Variants in ASXL1 observed in about 807,000 individuals in gnomAD.
ASXL1 encodes polycomb group protein ASXL1.
ASXL1 carries 65 observed loss-of-function variants against 89.1 expected under a neutral mutation model. That is an observed-to-expected ratio of 0.73 (90% confidence interval 0.60 to 0.90). ASXL1 has a LOEUF of 0.90. Ranked by LOEUF, ASXL1 falls within the 40% of genes least tolerant of loss-of-function variation. The pLI is 0.00. For missense variants in ASXL1, 1,786 were observed against 1,942.9 expected (o/e 0.92, Z 1.52); for synonymous variants, 739 against 746.9 (o/e 0.99, Z 0.17).
chr20:32,362,199 A>G (rs1255827969), intron 1 of ASXL1, among the ~76,000 whole-genome samples: 2 of 152,254 alleles, frequency 1.3e-5, no homozygotes, highest in Non-Finnish European at 2.9e-5. Flanking sequence ...ACAGTTGATT[A>G]GAACACCTGA....
intron 4 of ASXL1, among the ~76,000 whole-genome samples, chr20:32,398,328 T>C (rs1412327249): frequency 6.6e-6 from 1 of 151,992 alleles, no homozygotes; most frequent in Admixed American, 6.6e-5. Context: ...TTCAAGCGAT[T>C]CTCAGCCTTA....
At chr20:32,411,215 CTTTTTTTTTTTTTT>C (rs71187118) in intron 4 of ASXL1, among the ~76,000 whole-genome samples, 1 of 53,394 alleles carries the variant, frequency 1.9e-5, no homozygotes, top group Admixed American at 3.3e-4. Context: ...TTTATGGATT[CTTTTTTTTTTTTTT>C]TTTTTTTTTT....
intron 4 of ASXL1, among the ~76,000 whole-genome samples, chr20:32,413,509 A>G (rs182266120): frequency 1.4e-5 from 2 of 142,370 alleles, no homozygotes; most frequent in East Asian, 4.1e-4. Flanking sequence ...CAGCTGTACA[A>G]TTCTTGATGT....
At chr20:32,402,104 G>A (rs978718456) in intron 4 of ASXL1, among the ~76,000 whole-genome samples, 8 of 152,140 alleles carry the variant, frequency 5.3e-5, no homozygotes, top group African/African-American at 1.9e-4. Flanking sequence ...TTTTTAACTC[G>A]GCAAAATGCC....
chr20:32,421,253 TCAAAA>T, intron 4 of ASXL1, among the ~76,000 whole-genome samples: 1 of 145,322 alleles, frequency 6.9e-6, no homozygotes, highest in Non-Finnish European at 1.5e-5. Flanking sequence ...AAAAAAAACT[TCAAAA>T]AAAAAAAAGT....
rs1353196273 is a variant in ASXL1 at position 32,430,036 on chromosome 20, T to C, written c.701T>C (p.Phe234Ser). Residue 234 changes from phenylalanine (F) to serine (S), a missense_variant, in exon 8 of 13, where the codon TTC (phenylalanine) becomes TCC (serine). Transcript: ENST00000375687. The stretch of plus-strand genomic sequence containing the variant: ...GACCCTGCCCCGCTCCTGAGAGGCT[T>C]CCGGAAGCCAGCCACAGGTGAGTGG... ...TQDPAPLLRG[F>S]RKPATGQMKR... 11 of 1,604,922 alleles carry C rather than the reference T, an allele frequency of 6.9e-6. No homozygotes were observed. Among genetic ancestry groups the C allele is most frequent in the Non-Finnish European group, 9.3e-6 (11 of 1,179,748 alleles).
chr20:32,382,532 G>A (rs2048504893), intron 4 of ASXL1, among the ~76,000 whole-genome samples: 1 of 151,630 alleles, frequency 6.6e-6, no homozygotes, highest in Non-Finnish European at 1.5e-5. Flanking sequence ...GCATTTTGGA[G>A]GCTGAGTCGT....
intron 4 of ASXL1, among the ~76,000 whole-genome samples, chr20:32,407,610 C>T (rs754843023): frequency 2.6e-5 from 4 of 152,000 alleles, no homozygotes; most frequent in Non-Finnish European, 2.9e-5. Flanking sequence ...ACTACAGACA[C>T]GTGCCACCAC....
At chr20:32,432,839 A>G in intron 10 of ASXL1, 41 bp from the exon 11 acceptor site, 1 of 1,608,896 alleles carries the variant, frequency 6.2e-7, no homozygotes, top group Non-Finnish European at 8.5e-7. Context: ...AGACATTAAT[A>G]TCCCGAATGC....
intron 4 of ASXL1, among the ~76,000 whole-genome samples, chr20:32,422,458 A>C (rs532260135): frequency 6.9e-6 from 1 of 144,218 alleles, no homozygotes; most frequent in East Asian, 2.0e-4. Context: ...ACCATCTAGT[A>C]TGCAGTTCAC....
At chr20:32,366,538 G>A (rs2048207598) in intron 2 of ASXL1, 72 bp downstream of exon 2, 1 of 1,610,466 alleles carries the variant, frequency 6.2e-7, no homozygotes, top group South Asian at 1.1e-5. Context: ...GTAGTGATAT[G>A]AGTAAGTACA....
At chr20:32,415,982 A>C (rs1167985438) in intron 4 of ASXL1, among the ~76,000 whole-genome samples, 1 of 152,236 alleles carries the variant, frequency 6.6e-6, no homozygotes, top group African/African-American at 2.4e-5. Flanking sequence ...GAGAGCAGCT[A>C]TGCCATGTTG....
At position 32,437,078 on chromosome 20, in the gene ASXL1, T is replaced by G. The variant is rs1297604770; in HGVS notation, c.4366T>G (p.Tyr1456Asp). The change falls in exon 13 of 13, where the codon TAT (tyrosine) becomes GAT (aspartate). Residue 1456 changes from tyrosine to aspartate, a missense_variant. Coordinates refer to ENST00000375687, the MANE Select transcript of ASXL1 (RefSeq NM_015338.6). ...CCAACTGAGTTCCACCAGCTTTAAT[T>G]ATTCCTCTAGCTCTCCCACCTTTCC... The part of the protein sequence containing the change: ...KLQLSSTSFN[Y>D]SSSSPTFPKG... The G allele has an allele frequency of 6.2e-7, 1 of 1,614,056 alleles. No individual in the cohort carries two copies. The highest frequency in any genetic ancestry group is 8.5e-7 in the Non-Finnish European group (1 of 1,180,052).
chr20:32,366,071 A>G (rs1056002327), intron 1 of ASXL1, among the ~76,000 whole-genome samples: 7 of 152,174 alleles, frequency 4.6e-5, no homozygotes, highest in African/African-American at 1.2e-4. Flanking sequence ...GCAGCACTAT[A>G]TATTCTGTGG....
intron 4 of ASXL1, among the ~76,000 whole-genome samples, chr20:32,416,445 C>T (rs1307061469): frequency 6.6e-6 from 1 of 152,218 alleles, no homozygotes; most frequent in Non-Finnish European, 1.5e-5. Flanking sequence ...TTCCCAGTAG[C>T]TACAACCACT....
Position 32,425,275 on chromosome 20 carries a change from T to G in ASXL1, c.253-2853T>G, listed in dbSNP as rs145387669. On this transcript the variant is annotated intron_variant, in intron 4 of 12. Transcript: ENST00000375687. ...TTCTGCCTTTGGCAGCCACTTTGAT[T>G]GTTTATAATCCAGATTTCAAATGCT... 1.5e-3 allele frequency among the ~76,000 whole-genome samples: 229 copies of G among 152,370 alleles called. 2 individuals carry two copies. The highest frequency in any genetic ancestry group is 5.1e-3 in the African/African-American group (211 of 41,590).
chr20:32,389,314 G>T (rs143906362), intron 4 of ASXL1, among the ~76,000 whole-genome samples: 8 of 152,156 alleles, frequency 5.3e-5, no homozygotes, highest in Non-Finnish European at 1.2e-4. Flanking sequence ...TTTCTGCTGT[G>T]TATCATCTTA....
chr20:32,384,483 A>G (rs923633026), intron 4 of ASXL1, among the ~76,000 whole-genome samples: 3 of 152,166 alleles, frequency 2.0e-5, no homozygotes, highest in African/African-American at 7.2e-5. Flanking sequence ...GGTGTGAGCC[A>G]CCGTGCCCGG....
At chr20:32,369,689 C>T (rs1382396298) in intron 4 of ASXL1, among the ~76,000 whole-genome samples, 2 of 146,408 alleles carry the variant, frequency 1.4e-5, no homozygotes, top group Admixed American at 6.8e-5. Context: ...AAAACTGAAG[C>T]ATAACTATGG....
Sources: gnomAD v4.1 joint callset for allele counts (sites outside exome capture counted in the v4.1 genomes callset) on GRCh38, gnomAD v4.1.1 for gene constraint, MANE v1.5 for transcripts, NCBI Gene and HGNC (gene_info 2026-07-23, HGNC 2026-07-21) for gene names.